Variants in RYR3 observed in about 807,000 individuals in gnomAD.
RYR3 encodes the protein ryanodine receptor 3, also known as brain ryanodine receptor-calcium release channel.
Under a neutral mutation model 584.3 loss-of-function variants are expected in RYR3, and 207 were observed. That is an observed-to-expected ratio of 0.35 (90% confidence interval 0.32 to 0.40). The LOEUF (loss-of-function observed/expected upper bound fraction) is 0.40. Among genes scored for constraint, RYR3 ranks in the 10% least tolerant of loss-of-function variants. The pLI is 1.00. For missense variants in RYR3, 5,616 were observed against 6,089.2 expected, an observed-to-expected ratio of 0.92 and a Z score of 2.59; for synonymous variants, 2,416 against 2,248.5, an observed-to-expected ratio of 1.07 and a Z score of -2.11.
chr15:33,580,202 G>A, intron 13 of RYR3, 58 bp downstream of exon 13: 7 of 1,336,116 alleles, frequency 5.2e-6, no homozygotes, highest in Non-Finnish European at 7.3e-6. Context: ...GAATATCCCT[G>A]TGACTACAAC....
chr15:33,402,441 C>T (rs1047414869), intron 1 of RYR3, among the ~76,000 whole-genome samples: 1 of 152,196 alleles, frequency 6.6e-6, no homozygotes, highest in Non-Finnish European at 1.5e-5. Flanking sequence ...CCAGTTGTAT[C>T]AAATATGGGA....
intron 1 of RYR3, among the ~76,000 whole-genome samples, chr15:33,332,614 A>G (rs1970494865): frequency 6.6e-6 from 1 of 152,130 alleles, no homozygotes; most frequent in South Asian, 2.1e-4. Flanking sequence ...ATTACAGAAC[A>G]ATTTAGATTA....
intron 38 of RYR3, among the ~76,000 whole-genome samples, chr15:33,675,959 G>A (rs768308666): frequency 7.0e-6 from 1 of 142,664 alleles, no homozygotes; most frequent in Non-Finnish European, 1.6e-5. Context: ...GAATAAGGCT[G>A]GTATGGTAGC....
intron 38 of RYR3, among the ~76,000 whole-genome samples, chr15:33,691,037 A>C (rs1460691689): frequency 6.6e-6 from 1 of 152,158 alleles, no homozygotes; most frequent in African/African-American, 2.4e-5. Flanking sequence ...TTAAATACAT[A>C]ATTGGAAGGG....
At chr15:33,565,921 A>G (rs1001361291) in intron 11 of RYR3, among the ~76,000 whole-genome samples, 37 of 152,356 alleles carry the variant, frequency 2.4e-4, no homozygotes, top group African/African-American at 8.7e-4. Flanking sequence ...GCCTCTGATA[A>G]CAAACACTCA....
At chr15:33,359,864 G>A (rs567274187) in intron 1 of RYR3, among the ~76,000 whole-genome samples, 11 of 151,874 alleles carry the variant, frequency 7.2e-5, no homozygotes, top group East Asian at 1.9e-4. Flanking sequence ...CTCGTGATCC[G>A]TCCGCCTCGG....
chr15:33,545,452 C>A (rs763636428), intron 8 of RYR3, among the ~76,000 whole-genome samples: 2 of 151,898 alleles, frequency 1.3e-5, no homozygotes, highest in Non-Finnish European at 2.9e-5. Context: ...TGAAGGTGAC[C>A]TTTCTTTAGC....
intron 62 of RYR3, among the ~76,000 whole-genome samples, chr15:33,770,040 C>T (rs1039876848): frequency 6.6e-6 from 1 of 151,522 alleles, no homozygotes; most frequent in African/African-American, 2.4e-5. Flanking sequence ...TTGTCAGAGC[C>T]GGGCACCATG....
chr15:33,351,528 G>C (rs1489223208), intron 1 of RYR3, among the ~76,000 whole-genome samples: 1 of 150,582 alleles, frequency 6.6e-6, no homozygotes. Context: ...CTGGCAAACC[G>C]AATCCAGCAG....
intron 1 of RYR3, among the ~76,000 whole-genome samples, chr15:33,375,466 G>T (rs1190482111): frequency 6.6e-6 from 1 of 152,098 alleles, no homozygotes; most frequent in Admixed American, 6.5e-5. Context: ...CTAAAAGAAG[G>T]GCAATCCAGA....
chr15:33,670,236 A>G (rs1231778515), intron 37 of RYR3, among the ~76,000 whole-genome samples, 183 bp from the exon 38 acceptor site: 1 of 56,030 alleles, frequency 1.8e-5, no homozygotes, highest in Non-Finnish European at 6.2e-5. Flanking sequence ...ACAGGAAATC[A>G]ATATTTTTTT....
chr15:33,725,875 CAGG>C (rs1208092229), intron 45 of RYR3, among the ~76,000 whole-genome samples: 2 of 141,614 alleles, frequency 1.4e-5, no homozygotes, highest in African/African-American at 5.2e-5. Context: ...GAGGCTGAGG[CAGG>C]AGAATTGTGT....
chr15:33,695,713 A>G (rs755673775), intron 38 of RYR3, among the ~76,000 whole-genome samples: 6 of 152,034 alleles, frequency 3.9e-5, no homozygotes, highest in Admixed American at 6.6e-5. Context: ...TTATTGTTAT[A>G]TAGCCGGTTT....
intron 1 of RYR3, among the ~76,000 whole-genome samples, chr15:33,399,474 A>G (rs1463675136): frequency 2.6e-5 from 4 of 152,096 alleles, no homozygotes; most frequent in African/African-American, 9.7e-5. Flanking sequence ...ACCTGTCTCT[A>G]TTAAGATACA....
chr15:33,856,722 G>C (rs8033319), intron 98 of RYR3: 1,621 of 153,148 alleles, frequency 0.011, 38 homozygotes, highest in African/African-American at 0.036. Flanking sequence ...GCAGTGGCGC[G>C]ATCTCAGCTT....
Position 33,707,694 on chromosome 15 carries a change from G to A in RYR3, c.6619+640G>A, listed in dbSNP as rs542520820. Among the ~76,000 whole-genome samples, 4 of 152,246 alleles carry A rather than the reference G, an allele frequency of 2.6e-5. No homozygotes were observed. In the South Asian group the frequency reaches 8.3e-4, roughly 32 times the overall value. ...TTTTTGTTATAATACTAATTCATTT[G>A]TATTGACATTATAGTTATAGTCCCT... On this transcript the variant is annotated intron_variant, in intron 43 of 103. Coordinates refer to ENST00000634891, the MANE Select transcript of RYR3 (RefSeq NM_001036.6).
chr15:33,807,510 G>C, intron 69 of RYR3, 45 bp from the exon 70 acceptor site: 1 of 1,549,332 alleles, frequency 6.5e-7, no homozygotes, highest in Non-Finnish European at 8.7e-7. Context: ...TGCTTTTACT[G>C]ACTGACTCTT....
intron 1 of RYR3, among the ~76,000 whole-genome samples, chr15:33,472,199 T>G (rs1370233169): frequency 6.6e-6 from 1 of 152,220 alleles, no homozygotes; most frequent in Non-Finnish European, 1.5e-5. Context: ...ATCTACAACT[T>G]GTGGCTTCTC....
At position 33,772,258 on chromosome 15, in the gene RYR3, G is replaced by C. The variant is rs60836849; in HGVS notation, c.9055+100G>C. ...ACATTGACCTTGAGGGCAGAGCAGA[G>C]AGAGAATTATTCCATGCCTTTTCTT... On this transcript the variant is annotated intron_variant, in intron 63 of 103. Coordinates refer to ENST00000634891, the MANE Select transcript of RYR3 (RefSeq NM_001036.6). 5.3e-3 allele frequency: 3,566 copies of C among 667,276 alleles called. 98 individuals are homozygous for C. In the African/African-American group the frequency reaches 0.055, roughly 10 times the overall value. 41.3% of individuals were successfully genotyped at this position (667,276 alleles called of 1,614,324 possible).
Sources: gnomAD v4.1 joint callset for allele counts (sites outside exome capture counted in the v4.1 genomes callset) on GRCh38, gnomAD v4.1.1 for gene constraint, MANE v1.5 for transcripts, NCBI Gene and HGNC (gene_info 2026-07-23, HGNC 2026-07-21) for gene names.